The following ZBTB16 variants were observed in gnomAD, a reference collection of about 807,000 sequenced individuals.
ZBTB16 encodes the protein zinc finger and BTB domain containing 16.
Under a neutral mutation model 56.8 loss-of-function variants are expected in ZBTB16, and 8 were observed. That is an observed-to-expected ratio of 0.14 (90% CI 0.08 to 0.25). The LOEUF is 0.25. ZBTB16 is among the 10% of genes least tolerant of loss of function. The probability of loss-of-function intolerance (pLI) is 1.00; values close to 1 mark genes in which losing one functional copy is unlikely to be tolerated. For missense variants in ZBTB16, 625 were observed against 903.0 expected (o/e 0.69, Z 3.95); for synonymous variants, 363 against 368.5 (o/e 0.98, Z 0.17).
Position 114,143,580 on chromosome 11 carries a change from G to A in ZBTB16, c.1269-12757G>A, listed in dbSNP as rs1218088714. The stretch of plus-strand genomic sequence containing the variant: ...ATGTAGAAAAAATACGCTAGTGACA[G>A]GTCCTCCCTCCATCCCAGATGTGTG... On this transcript the variant is annotated intron_variant, in intron 2 of 6. Coordinates refer to ENST00000335953, the MANE Select transcript of ZBTB16 (RefSeq NM_006006.6). The surrounding 1 kb of genome is among the most constrained non-coding windows in gnomAD (Gnocchi z 6.4). Among the ~76,000 whole-genome samples the A allele has an allele frequency of 1.3e-5, 2 of 152,180 alleles. No homozygotes were observed. Among genetic ancestry groups the A allele is most frequent in the Admixed American group, 1.3e-4 (2 of 15,274 alleles).
chr11:114,088,140 C>CTTTTTTTTTTTTTTTTTTTTT, intron 2 of ZBTB16, among the ~76,000 whole-genome samples: 1 of 123,082 alleles, frequency 8.1e-6, no homozygotes, highest in Non-Finnish European at 1.6e-5. Flanking sequence ...CCAGATACTT[C>CTTTTTTTTTTTTTTTTTTTTT]TTTTTTTTTT....
At chr11:114,118,701 T>G (rs1941251022) in intron 2 of ZBTB16, among the ~76,000 whole-genome samples, 1 of 152,170 alleles carries the variant, frequency 6.6e-6, no homozygotes, top group South Asian at 2.1e-4. Flanking sequence ...GAACCAGGGC[T>G]TTCTGCTTCA....
intron 5 of ZBTB16, among the ~76,000 whole-genome samples, chr11:114,242,752 C>T (rs1944736614): frequency 1.3e-5 from 2 of 152,188 alleles, no homozygotes; most frequent in Admixed American, 6.5e-5. Context: ...CCTCCCACCA[C>T]TCTTGATGCC....
intron 2 of ZBTB16, among the ~76,000 whole-genome samples, chr11:114,099,652 G>C (rs897979241): frequency 6.6e-6 from 1 of 152,196 alleles, no homozygotes; most frequent in Non-Finnish European, 1.5e-5. Context: ...TGTGTGGTGT[G>C]TGTGCATTGG....
Position 114,060,918 on chromosome 11 carries a change from C to T in ZBTB16, c.-91+1036C>T, listed in dbSNP as rs1244601429. Among the ~76,000 whole-genome samples, 1 of 152,136 alleles carries T rather than the reference C, an allele frequency of 6.6e-6. No individual in the cohort carries two copies. The highest frequency in any genetic ancestry group is 2.4e-5 in the African/African-American group (1 of 41,450). On this transcript the variant is annotated intron_variant, in intron 1 of 6. Transcript: ENST00000335953. This position sits in a 1 kb window ranked among gnomAD's most constrained non-coding sequence, Gnocchi z 6.0. Reference sequence around the variant, plus strand: ...CCTTCTCGCCTTTCCTCCCACAACTCGCTGCGGGGCTTTTGTGCTTCCCCT... The same window carrying T: ...CCTTCTCGCCTTTCCTCCCACAACTTGCTGCGGGGCTTTTGTGCTTCCCCT...
At chr11:114,235,197 C>T (rs114525549) in intron 4 of ZBTB16, among the ~76,000 whole-genome samples, 31 of 152,232 alleles carry the variant, frequency 2.0e-4, no homozygotes, top group African/African-American at 5.5e-4. Context: ...TAGGATTGGA[C>T]GTGAGAAGCC....
intron 4 of ZBTB16, among the ~76,000 whole-genome samples, chr11:114,235,699 CTTTCTTTT>C (rs1944565969): frequency 8.6e-6 from 1 of 116,830 alleles, no homozygotes; most frequent in East Asian, 2.3e-4. Context: ...TCTTTTCTTT[CTTTCTTTT>C]CTTTCTTTCT....
intron 5 of ZBTB16, among the ~76,000 whole-genome samples, chr11:114,244,843 C>T (rs1481228004): frequency 1.3e-5 from 2 of 152,072 alleles, no homozygotes; most frequent in Non-Finnish European, 2.9e-5. Flanking sequence ...CAGGCAGCCG[C>T]CCCCTTCCCC....
At chr11:114,080,660 T>C (rs1939726662) in intron 2 of ZBTB16, among the ~76,000 whole-genome samples, 1 of 152,192 alleles carries the variant, frequency 6.6e-6, no homozygotes, top group African/African-American at 2.4e-5. Flanking sequence ...TGGGAAAAAA[T>C]TCAGGTTTAA....
intron 4 of ZBTB16, among the ~76,000 whole-genome samples, chr11:114,201,866 CACTT>C (rs1239115796): frequency 6.6e-6 from 1 of 152,170 alleles, no homozygotes; most frequent in African/African-American, 2.4e-5. Context: ...AAGCACATAT[CACTT>C]ACATAATTTT....
At chr11:114,199,584 A>G (rs917424744) in intron 4 of ZBTB16, among the ~76,000 whole-genome samples, 1 of 152,174 alleles carries the variant, frequency 6.6e-6, no homozygotes, top group African/African-American at 2.4e-5. Flanking sequence ...GGAGAAGGAG[A>G]ACTAGGTTCT....
chr11:114,156,728 A>C lies in ZBTB16; in HGVS notation c.1366+294A>C, dbSNP rs112959119. Among the ~76,000 whole-genome samples the C allele has an allele frequency of 6.3e-3, 964 of 152,344 alleles. 4 individuals are homozygous for C. Among genetic ancestry groups the C allele is most frequent in the Non-Finnish European group, 0.011 (724 of 68,026 alleles). ...TAGACTGCAGTTTCATTAGTGGAAC[A>C]GTTGTGGAATTAGGTTCTCACTGTC... On this transcript the variant is annotated intron_variant, in intron 3 of 6. Transcript: ENST00000335953.
intron 2 of ZBTB16, among the ~76,000 whole-genome samples, chr11:114,128,323 G>T (rs879864795): frequency 6.6e-6 from 1 of 152,164 alleles, no homozygotes; most frequent in Non-Finnish European, 1.5e-5. Flanking sequence ...CTGAACACCC[G>T]GGAGCACCTC....
chr11:114,205,796 A>G (rs1943855402), intron 4 of ZBTB16, among the ~76,000 whole-genome samples: 1 of 152,252 alleles, frequency 6.6e-6, no homozygotes, highest in Non-Finnish European at 1.5e-5. Context: ...TTTTAGTTAC[A>G]GGAATTGACA....
chr11:114,097,835 A>AT (rs916936783), intron 2 of ZBTB16, among the ~76,000 whole-genome samples: 6 of 151,564 alleles, frequency 4.0e-5, no homozygotes, highest in African/African-American at 1.2e-4. Flanking sequence ...TTCCGCTCTG[A>AT]TTTTTTTTTC....
intron 2 of ZBTB16, among the ~76,000 whole-genome samples, chr11:114,152,538 C>T (rs1942303009): frequency 6.6e-6 from 1 of 152,152 alleles, no homozygotes; most frequent in South Asian, 2.1e-4. Flanking sequence ...AAATCTGTTA[C>T]AAGCAAGGTG....
chr11:114,182,632 TGG>T (rs1943275389), intron 3 of ZBTB16, among the ~76,000 whole-genome samples: 1 of 152,176 alleles, frequency 6.6e-6, no homozygotes, highest in Non-Finnish European at 1.5e-5. Context: ...GGAAATTTTG[TGG>T]GTGTAAATGC....
At chr11:114,122,988 G>A (rs1941385633) in intron 2 of ZBTB16, among the ~76,000 whole-genome samples, 1 of 152,188 alleles carries the variant, frequency 6.6e-6, no homozygotes, top group Non-Finnish European at 1.5e-5. Context: ...TAAAGTGGTA[G>A]CAGATTTGGT....
intron 2 of ZBTB16, among the ~76,000 whole-genome samples, chr11:114,109,564 G>A (rs1376675598): frequency 6.6e-6 from 1 of 152,110 alleles, no homozygotes; most frequent in South Asian, 2.1e-4. Context: ...ATGTGTTCCC[G>A]CAGGATGGGT....
Sources: gnomAD v4.1 joint callset for allele counts (sites outside exome capture counted in the v4.1 genomes callset) on GRCh38, gnomAD v4.1.1 for gene constraint, Gnocchi (gnomAD v3.1) non-coding constraint, MANE v1.5 for transcripts, NCBI Gene and HGNC (gene_info 2026-07-23, HGNC 2026-07-21) for gene names.